DAB1: variants seen among roughly 807,000 people sequenced by gnomAD.
DAB1 encodes DAB adaptor protein 1.
A neutral mutation model predicts 64.6 loss-of-function variants in DAB1; 15 were observed. The observed-to-expected ratio is 0.23, with a 90% CI of 0.16 to 0.36. The LOEUF (loss-of-function observed/expected upper bound fraction) is 0.36, where lower values mean the gene tolerates loss of function less well. DAB1 is among the 10% of genes least tolerant of loss of function. The probability of loss-of-function intolerance (pLI) is 1.00; values close to 1 mark genes in which losing one functional copy is unlikely to be tolerated. For synonymous variants in DAB1, 235 were observed against 251.9 expected (o/e 0.93, Z 0.64); for missense variants, 596 against 706.7 (o/e 0.84, Z 1.78).
chr1:57,524,679 A>T (rs866150473), intron 7 of DAB1, among the ~76,000 whole-genome samples: 27 of 152,292 alleles, frequency 1.8e-4, no homozygotes, highest in Middle Eastern at 3.4e-3. Context: ...GGTGGCGGAG[A>T]TTACAAAGTA....
intron 6 of DAB1, among the ~76,000 whole-genome samples, chr1:57,692,363 G>A (rs987477927): frequency 2.0e-5 from 3 of 151,994 alleles, no homozygotes; most frequent in Non-Finnish European, 4.4e-5. Flanking sequence ...CAGAGGCAGG[G>A]AAAGACCAGC....
intron 3 of DAB1, among the ~76,000 whole-genome samples, chr1:58,433,109 C>A (rs184129773): frequency 3.2e-4 from 48 of 152,238 alleles, no homozygotes; most frequent in African/African-American, 1.1e-3. Context: ...GCCTCCCACA[C>A]CCCCCCTATT....
chr1:57,295,719 GT>G (rs1213579818), intron 1 of DAB1, among the ~76,000 whole-genome samples: 1 of 152,124 alleles, frequency 6.6e-6, no homozygotes, highest in Non-Finnish European at 1.5e-5. Context: ...GAACTGGGTG[GT>G]GATGTGACTG....
At chr1:58,279,377 C>T (rs1394653275) in intron 4 of DAB1, among the ~76,000 whole-genome samples, 3 of 152,216 alleles carry the variant, frequency 2.0e-5, no homozygotes, top group African/African-American at 7.2e-5. Flanking sequence ...CTTATAAACA[C>T]AAGACCAGGA....
chr1:57,054,619 A>C (rs1193254687), intron 9 of DAB1, among the ~76,000 whole-genome samples: 1 of 151,838 alleles, frequency 6.6e-6, no homozygotes, highest in Non-Finnish European at 1.5e-5. Flanking sequence ...CTGGGACTGC[A>C]GGTACCCGCC....
At chr1:57,401,470 A>G (rs1683237680) in intron 1 of DAB1, among the ~76,000 whole-genome samples, 1 of 152,208 alleles carries the variant, frequency 6.6e-6, no homozygotes, top group Non-Finnish European at 1.5e-5. Context: ...CTGATATACA[A>G]TGTCATCTGT....
intron 6 of DAB1, among the ~76,000 whole-genome samples, chr1:57,770,730 G>C (rs1535768): frequency 0.19 from 29,460 of 152,004 alleles, 3,277 homozygotes; most frequent in Admixed American, 0.3. Context: ...TAATTAATTC[G>C]TTCAGAGATG....
intron 7 of DAB1, among the ~76,000 whole-genome samples, chr1:57,439,442 T>TG (rs1685846625): frequency 7.3e-6 from 1 of 137,788 alleles, no homozygotes; most frequent in Admixed American, 7.2e-5. Flanking sequence ...TTTTTTTTTT[T>TG]TTTTTGAGAC....
In DAB1 at chr1:58,353,731, G is replaced by A. The variant is rs562670663; in HGVS notation, n.258-10328C>T. 9.9e-5 allele frequency among the ~76,000 whole-genome samples: 15 copies of A among 152,168 alleles called. No individual in the cohort carries two copies. The East Asian group carries it at 2.9e-3, about 29-fold the overall frequency. ...CTTTATTCATCAAAAAGGAAAAAGT[G>A]AAGAAGAAATGGAATTACAATGTGT... On this transcript the variant is annotated intron_variant and non_coding_transcript_variant, in intron 3 of 20. Transcript: ENST00000485760.
At chr1:57,905,745 A>G (rs1429532303) in intron 5 of DAB1, among the ~76,000 whole-genome samples, 1 of 152,162 alleles carries the variant, frequency 6.6e-6, no homozygotes, top group Non-Finnish European at 1.5e-5. Context: ...TCACTAACAT[A>G]CAGAGATTGA....
intron 2 of DAB1, among the ~76,000 whole-genome samples, chr1:57,178,563 G>C (rs1054657455): frequency 6.6e-6 from 1 of 152,068 alleles, no homozygotes; most frequent in African/African-American, 2.4e-5. Flanking sequence ...ATTTATTTAT[G>C]GATAAAACTA....
chr1:57,055,768 T>G (rs1649687035), intron 9 of DAB1, among the ~76,000 whole-genome samples: 2 of 151,200 alleles, frequency 1.3e-5, no homozygotes, highest in Non-Finnish European at 2.9e-5. Context: ...CTACAAAAAT[T>G]TATTCATGCA....
chr1:57,368,870 T>C (rs1469075724), intron 1 of DAB1, among the ~76,000 whole-genome samples: 1 of 152,084 alleles, frequency 6.6e-6, no homozygotes, highest in Non-Finnish European at 1.5e-5. Flanking sequence ...TCCCACTGAA[T>C]ATGGGTAAAC....
intron 3 of DAB1, among the ~76,000 whole-genome samples, chr1:58,479,170 T>C (rs1248915513): frequency 6.6e-6 from 1 of 152,212 alleles, no homozygotes; most frequent in Non-Finnish European, 1.5e-5. Context: ...CGTTGCTACA[T>C]TATTTTCCTA....
intron 9 of DAB1, among the ~76,000 whole-genome samples, chr1:57,057,617 T>TC (rs1649908827): frequency 2.0e-5 from 3 of 151,190 alleles, no homozygotes. Flanking sequence ...TCTTTTTTTT[T>TC]TTTTTTTGGA....
At chr1:57,671,412 A>G (rs540121839) in intron 6 of DAB1, among the ~76,000 whole-genome samples, 125 of 152,188 alleles carry the variant, frequency 8.2e-4, no homozygotes, top group African/African-American at 2.9e-3. Flanking sequence ...TCGATTCCCA[A>G]TTTAGACCAA....
chr1:57,261,010 T>A (rs879514671), intron 2 of DAB1, among the ~76,000 whole-genome samples: 3 of 152,202 alleles, frequency 2.0e-5, no homozygotes, highest in Non-Finnish European at 4.4e-5. Context: ...TTAATGATAA[T>A]AGCTGTGTGG....
chr1:57,053,660 C>CTCTATATATA (rs1399510534), intron 9 of DAB1, among the ~76,000 whole-genome samples: 24 of 116,678 alleles, frequency 2.1e-4, no homozygotes, highest in African/African-American at 7.3e-4. Flanking sequence ...CTCTCTCTCT[C>CTCTATATATA]TATATGTATA....
At chr1:58,448,703 T>A (rs1305767395) in intron 3 of DAB1, among the ~76,000 whole-genome samples, 1 of 152,180 alleles carries the variant, frequency 6.6e-6, no homozygotes, top group Non-Finnish European at 1.5e-5. Context: ...GAGATGACTA[T>A]AACTAGGGAT....
Sources: gnomAD v4.1 joint callset for allele counts (sites outside exome capture counted in the v4.1 genomes callset) on GRCh38, gnomAD v4.1.1 for gene constraint, MANE v1.5 for transcripts, NCBI Gene and HGNC (gene_info 2026-07-23, HGNC 2026-07-21) for gene names.